BABAM2: variants seen among roughly 807,000 people sequenced by gnomAD.
BABAM2 encodes BRISC and BRCA1-A complex member 2.
Under a neutral mutation model 54.7 loss-of-function variants are expected in BABAM2, and 31 were observed. The ratio of observed to expected loss-of-function variants is 0.57; its 90% CI spans 0.43 to 0.77. The LOEUF (loss-of-function observed/expected upper bound fraction) is 0.77. Ranked by LOEUF, BABAM2 falls within the 30% of genes least tolerant of loss-of-function variation. The pLI, the probability that BABAM2 is intolerant of heterozygous loss-of-function variation, is 0.00. For synonymous variants in BABAM2, 167 were observed against 162.9 expected (o/e 1.03, Z -0.19); for missense variants, 364 against 455.8 (o/e 0.80, Z 1.83).
At chr2:28,189,372 T>A (rs1306787943) in intron 7 of BABAM2, among the ~76,000 whole-genome samples, 5 of 152,180 alleles carry the variant, frequency 3.3e-5, no homozygotes, top group African/African-American at 4.8e-5. Flanking sequence ...AAAAATTATT[T>A]AAGTTTTGTG....
intron 8 of BABAM2, among the ~76,000 whole-genome samples, chr2:28,238,769 T>A (rs1478432674): frequency 6.6e-6 from 1 of 152,208 alleles, no homozygotes; most frequent in Non-Finnish European, 1.5e-5. Context: ...AAATTTGGTC[T>A]TCTAGAACGG....
intron 3 of BABAM2, among the ~76,000 whole-genome samples, chr2:27,933,764 G>GTTTTTTTT (rs59022185): frequency 1.8e-5 from 2 of 110,886 alleles, no homozygotes; most frequent in Non-Finnish European, 3.7e-5. Context: ...TGCCTGGCTT[G>GTTTTTTTT]TTTTTTTTTT....
At chr2:27,923,156 C>A (rs868205291) in intron 2 of BABAM2, among the ~76,000 whole-genome samples, 3 of 152,172 alleles carry the variant, frequency 2.0e-5, no homozygotes, top group Non-Finnish European at 4.4e-5. Flanking sequence ...TTTGTGATAT[C>A]ACAGTATAAA....
chr2:27,998,220 T>C (rs1673312490), intron 4 of BABAM2, among the ~76,000 whole-genome samples: 1 of 152,128 alleles, frequency 6.6e-6, no homozygotes, highest in Non-Finnish European at 1.5e-5. Context: ...TGTCTTTGGT[T>C]GGTCGTCTCT....
intron 6 of BABAM2, among the ~76,000 whole-genome samples, chr2:28,084,032 T>C (rs1178821488): frequency 2.0e-5 from 3 of 152,172 alleles, no homozygotes; most frequent in Admixed American, 2.0e-4. Context: ...TGTCCTGCCC[T>C]CTCTTGTGAT....
chr2:27,992,778 C>T (rs1421314143), intron 4 of BABAM2, among the ~76,000 whole-genome samples: 3 of 152,154 alleles, frequency 2.0e-5, no homozygotes, highest in African/African-American at 7.2e-5. Flanking sequence ...CTTGCTCAGC[C>T]CTTTCCAGCC....
At chr2:27,957,919 T>C (rs200450061) in intron 3 of BABAM2, among the ~76,000 whole-genome samples, 1 of 152,206 alleles carries the variant, frequency 6.6e-6, no homozygotes, top group South Asian at 2.1e-4. Flanking sequence ...ATAAGAAGTC[T>C]GTCTATATTG....
intron 11 of BABAM2, among the ~76,000 whole-genome samples, chr2:28,337,811 C>T (rs1471405470): frequency 4.6e-5 from 7 of 152,104 alleles, no homozygotes; most frequent in African/African-American, 1.7e-4. Flanking sequence ...GTAGCAAGAC[C>T]CTGTCTCTGT....
chr2:28,280,878 G>GT (rs1377575352), intron 10 of BABAM2, among the ~76,000 whole-genome samples: 10 of 151,972 alleles, frequency 6.6e-5, no homozygotes, highest in African/African-American at 2.4e-4. Context: ...TGAGTAAGGC[G>GT]GGGGGGCAGT....
chr2:27,933,188 G>A (rs932854542), intron 3 of BABAM2, among the ~76,000 whole-genome samples: 6 of 152,124 alleles, frequency 3.9e-5, no homozygotes, highest in African/African-American at 1.2e-4. Context: ...TTTGTGATTA[G>A]TGTATTAGGA....
intron 4 of BABAM2, among the ~76,000 whole-genome samples, chr2:28,019,627 G>A (rs894411872): frequency 7.9e-5 from 12 of 152,102 alleles, no homozygotes; most frequent in African/African-American, 2.2e-4. Context: ...ATGGTTTCAG[G>A]TCTTATATTT....
intron 4 of BABAM2, among the ~76,000 whole-genome samples, chr2:27,996,083 C>CTG (rs1342743515): frequency 1.3e-5 from 2 of 152,056 alleles, no homozygotes; most frequent in African/African-American, 4.8e-5. Context: ...TTTGATTTTT[C>CTG]TGTGTGTGTT....
intron 3 of BABAM2, among the ~76,000 whole-genome samples, chr2:27,937,009 A>G (rs976769878): frequency 1.2e-4 from 19 of 152,170 alleles, no homozygotes; most frequent in African/African-American, 4.6e-4. Flanking sequence ...TTTAGACATA[A>G]TGCTATTATA....
intron 10 of BABAM2, among the ~76,000 whole-genome samples, chr2:28,272,261 T>C (rs1344558859): frequency 6.6e-6 from 1 of 152,214 alleles, no homozygotes; most frequent in Non-Finnish European, 1.5e-5. Context: ...CATGAAAAAG[T>C]TGTAAAAACT....
intron 10 of BABAM2, among the ~76,000 whole-genome samples, chr2:28,296,818 GC>G (rs1438096389): frequency 2.0e-5 from 3 of 152,142 alleles, no homozygotes; most frequent in Admixed American, 2.0e-4. Context: ...CTCCCGGGTA[GC>G]TGGGATTATA....
chr2:28,265,165 G>A (rs1684870776), intron 10 of BABAM2, among the ~76,000 whole-genome samples: 1 of 152,136 alleles, frequency 6.6e-6, no homozygotes, highest in Admixed American at 6.5e-5. Flanking sequence ...GGCCGGGCGC[G>A]GTGGCTCATG....
intron 11 of BABAM2, among the ~76,000 whole-genome samples, chr2:28,332,208 G>A (rs1351181360): frequency 2.6e-5 from 4 of 152,284 alleles, no homozygotes; most frequent in South Asian, 2.1e-4. Flanking sequence ...GGCTTAATAC[G>A]TAGGCGCTGG....
intron 11 of BABAM2, among the ~76,000 whole-genome samples, chr2:28,306,661 C>G (rs976933994): frequency 1.3e-5 from 2 of 151,788 alleles, no homozygotes; most frequent in Admixed American, 6.6e-5. Context: ...CTTAACATGT[C>G]TGCCTTTTAA....
chr2:27,938,012 C>A (rs1668611144), intron 3 of BABAM2, among the ~76,000 whole-genome samples: 1 of 152,250 alleles, frequency 6.6e-6, no homozygotes, highest in South Asian at 2.1e-4. Flanking sequence ...TAGTGTTACT[C>A]CTCTTCATGT....
Sources: gnomAD v4.1 joint callset for allele counts (sites outside exome capture counted in the v4.1 genomes callset) on GRCh38, gnomAD v4.1.1 for gene constraint, MANE v1.5 for transcripts, NCBI Gene and HGNC (gene_info 2026-07-23, HGNC 2026-07-21) for gene names.